Variants in PTPRR observed in about 807,000 individuals in gnomAD.
The protein encoded by PTPRR is protein tyrosine phosphatase receptor type R.
In PTPRR, 38 loss-of-function variants were observed where a neutral mutation model predicts 77.2. That is an observed-to-expected ratio of 0.49 (90% CI 0.38 to 0.65). The LOEUF (loss-of-function observed/expected upper bound fraction) is 0.65. PTPRR is among the 30% of genes least tolerant of loss of function. The pLI, the probability that PTPRR is intolerant of heterozygous loss-of-function variation, is 0.00. For missense variants in PTPRR, 744 were observed against 799.2 expected, an observed-to-expected ratio of 0.93 and a Z score of 0.83; for synonymous variants, 299 against 283.1, an observed-to-expected ratio of 1.06 and a Z score of -0.57.
chr12:70,836,799 A>T (rs1002167613), intron 2 of PTPRR, among the ~76,000 whole-genome samples: 4 of 151,946 alleles, frequency 2.6e-5, no homozygotes, highest in Non-Finnish European at 4.4e-5. Flanking sequence ...TTAACCTCTC[A>T]GACTGTTTTC....
intron 1 of PTPRR, among the ~76,000 whole-genome samples, chr12:70,915,746 T>C (rs1169430071): frequency 6.6e-6 from 1 of 152,180 alleles, no homozygotes; most frequent in Non-Finnish European, 1.5e-5. Flanking sequence ...TGGGGGCATG[T>C]GAGGCAACAT....
rs192817722 is a variant in PTPRR, at chr12:70,870,180, C to G, written c.357+22499G>C. ...CAGTAGCCATCAATCATCTCCAGTT[C>G]TGATCAGACCATTTCCAAAGCCCAC... is the stretch of plus-strand genomic sequence containing the variant. On this transcript the variant is annotated intron_variant, in intron 2 of 13. Coordinates refer to ENST00000283228, the MANE Select transcript of PTPRR (RefSeq NM_002849.4). Among the ~76,000 whole-genome samples the G allele has an allele frequency of 1.2e-3, 180 of 152,270 alleles. 1 individual carries two copies. Among genetic ancestry groups the G allele is most frequent in the African/African-American group, 4.2e-3 (176 of 41,546 alleles).
At chr12:70,745,321 C>T (rs1443199236) in intron 6 of PTPRR, among the ~76,000 whole-genome samples, 2 of 152,160 alleles carry the variant, frequency 1.3e-5, no homozygotes, top group East Asian at 3.9e-4. Flanking sequence ...AGCCACTGCG[C>T]CCGTCCAGTG....
At chr12:70,730,000 A>C (rs1889595752) in intron 6 of PTPRR, among the ~76,000 whole-genome samples, 1 of 152,142 alleles carries the variant, frequency 6.6e-6, no homozygotes, top group South Asian at 2.1e-4. Context: ...AGTGGATGAC[A>C]AAAAAACAAT....
intron 2 of PTPRR, among the ~76,000 whole-genome samples, chr12:70,839,642 G>A (rs1365579974): frequency 1.3e-5 from 2 of 152,152 alleles, no homozygotes; most frequent in Non-Finnish European, 2.9e-5. Flanking sequence ...AACACCCATA[G>A]AGAGCAAGTA....
rs147858003 is a variant in PTPRR, at chr12:70,764,812, T to C, written c.358-34A>G. The C allele has an allele frequency of 2.1e-4, 309 of 1,447,476 alleles. 1 individual carries two copies. In the African/African-American group the frequency reaches 3.9e-3, roughly 18 times the overall value. 89.7% of individuals were successfully genotyped at this position (1,447,476 alleles called of 1,614,324 possible). On this transcript the variant is annotated intron_variant, in intron 2 of 13. Transcript: ENST00000283228. ...TAAGGACAAAAATAAATCCAAATTA[T>C]AGTATTAATTTGTATAGATGTATAG...
At chr12:70,788,217 C>T (rs1891361215) in intron 2 of PTPRR, among the ~76,000 whole-genome samples, 1 of 152,144 alleles carries the variant, frequency 6.6e-6, no homozygotes, top group Admixed American at 6.6e-5. Flanking sequence ...CTGAGTTCCC[C>T]AGCTGGGAAT....
intron 6 of PTPRR, among the ~76,000 whole-genome samples, chr12:70,708,815 AACACACACACACAC>A (rs142909764): frequency 2.2e-5 from 2 of 88,960 alleles, no homozygotes; most frequent in Middle Eastern, 4.7e-3. Context: ...TACAAATACA[AACACACACACACAC>A]ACACACACAC....
rs537068244 is a variant in PTPRR at position 70,903,866 on chromosome 12, G to C, written c.59-10889C>G. On this transcript the variant is annotated intron_variant, in intron 1 of 13. Transcript: ENST00000283228. Reference sequence around the variant, plus strand: ...AAGGTTTGTAACTGGAATGTATAAAGAACTCTCAAAACTCAACAATTAGAA... The same window carrying C: ...AAGGTTTGTAACTGGAATGTATAAACAACTCTCAAAACTCAACAATTAGAA... Among the ~76,000 whole-genome samples, 3 of 151,870 alleles carry C rather than the reference G, an allele frequency of 2.0e-5. No individual in the cohort carries two copies. In the South Asian group the frequency reaches 6.2e-4, roughly 31 times the overall value.
intron 10 of PTPRR, chr12:70,672,079 C>G (rs1335295071): frequency 7.4e-7 from 1 of 1,355,712 alleles, no homozygotes; most frequent in Non-Finnish European, 1.1e-6. Flanking sequence ...GGGTTATCAA[C>G]CTCAATGCCT....
At chr12:70,917,501 C>T (rs1893792576) in intron 1 of PTPRR, among the ~76,000 whole-genome samples, 1 of 152,184 alleles carries the variant, frequency 6.6e-6, no homozygotes, top group South Asian at 2.1e-4. Context: ...CTATAAAAAT[C>T]GGCTGCCATG....
At chr12:70,874,398 G>A (rs1341949534) in intron 2 of PTPRR, among the ~76,000 whole-genome samples, 4 of 152,070 alleles carry the variant, frequency 2.6e-5, no homozygotes, top group Admixed American at 1.3e-4. Context: ...CAGACTGCAC[G>A]ATGCAGTAAA....
rs1444243396 is a variant in PTPRR, at chr12:70,903,454, T to C, written c.59-10477A>G. On this transcript the variant is annotated intron_variant, in intron 1 of 13. Transcript: ENST00000283228. Reference sequence around the variant, plus strand: ...TTAAAAAATGAATTCAGAGAAAGTATTACCATTTGATTTTTGATAAAGGTG... The same window carrying C: ...TTAAAAAATGAATTCAGAGAAAGTACTACCATTTGATTTTTGATAAAGGTG... Among the ~76,000 whole-genome samples the C allele has an allele frequency of 5.9e-5, 9 of 151,838 alleles. No individual in the cohort carries two copies. The East Asian group carries it at 1.5e-3, about 26-fold the overall frequency.
At chr12:70,711,397 G>A (rs1888824591) in intron 6 of PTPRR, among the ~76,000 whole-genome samples, 1 of 152,108 alleles carries the variant, frequency 6.6e-6, no homozygotes, top group Non-Finnish European at 1.5e-5. Context: ...TTGGAGGGTA[G>A]AGAGTGGGAG....
chr12:70,719,784 G>A (rs1300050204), intron 6 of PTPRR, among the ~76,000 whole-genome samples: 2 of 152,216 alleles, frequency 1.3e-5, no homozygotes, highest in African/African-American at 2.4e-5. Flanking sequence ...AGACCTCTGC[G>A]AAGGGAGGCT....
chr12:70,753,515 A>T (rs1192886526), intron 5 of PTPRR, among the ~76,000 whole-genome samples: 2 of 152,216 alleles, frequency 1.3e-5, no homozygotes, highest in African/African-American at 4.8e-5. Context: ...CCGTTAGTTC[A>T]TTCAATGCCA....
chr12:70,685,844 T>C (rs1887848423), intron 8 of PTPRR, among the ~76,000 whole-genome samples: 1 of 152,176 alleles, frequency 6.6e-6, no homozygotes, highest in African/African-American at 2.4e-5. Context: ...AGATAATGGG[T>C]AAGACTCCTT....
chr12:70,638,458 ATAGAGTTCTGGAGCAGAAGCCACCT>A lies in PTPRR; in HGVS notation c.*701_*725del, dbSNP rs1193629893. Reference sequence around the variant, plus strand: ...GACTCACGATGTGGAAATACAGTGGATAGAGTTCTGGAGCAGAAGCCACCTTTATGCCCAATAATAGAGAGTAAAT... The same window carrying A: ...GACTCACGATGTGGAAATACAGTGGATTATGCCCAATAATAGAGAGTAAAT... On this transcript the variant is annotated 3_prime_UTR_variant, in exon 14 of 14. Coordinates refer to ENST00000283228, the MANE Select transcript of PTPRR (RefSeq NM_002849.4). The A allele has an allele frequency of 6.6e-6, 1 of 152,606 alleles. No homozygotes were observed. Among genetic ancestry groups the A allele is most frequent in the South Asian group, 2.1e-4 (1 of 4,832 alleles). 9.5% of individuals were successfully genotyped at this position (152,606 alleles called of 1,614,324 possible).
intron 2 of PTPRR, among the ~76,000 whole-genome samples, chr12:70,819,110 C>T (rs530437385): frequency 1.0e-3 from 152 of 152,286 alleles, no homozygotes; most frequent in African/African-American, 3.2e-3. Flanking sequence ...CACTTGAGAT[C>T]GGGAGTTTGA....
Sources: gnomAD v4.1 joint callset for allele counts (sites outside exome capture counted in the v4.1 genomes callset) on GRCh38, gnomAD v4.1.1 for gene constraint, MANE v1.5 for transcripts, NCBI Gene and HGNC (gene_info 2026-07-23, HGNC 2026-07-21) for gene names.